TP53BP1: variants seen among roughly 807,000 people sequenced by gnomAD.
The protein encoded by TP53BP1 is tumor protein p53 binding protein 1, also known as TP53-binding protein 1.
A neutral mutation model predicts 200.8 loss-of-function variants in TP53BP1; 61 were observed. That is an observed-to-expected ratio of 0.30 (90% CI 0.25 to 0.38). The LOEUF (loss-of-function observed/expected upper bound fraction) is 0.38, where lower values mean the gene tolerates loss of function less well. TP53BP1 is among the 10% of genes least tolerant of loss of function. TP53BP1 has a pLI of 1.00. For missense variants in TP53BP1, 2,144 were observed against 2,371.9 expected (o/e 0.90, Z 2.00); for synonymous variants, 822 against 844.3 (o/e 0.97, Z 0.46).
In TP53BP1 at chr15:43,479,574, A is replaced by T. The variant is rs1213652473; in HGVS notation, c.659-48T>A. 1.9e-6 allele frequency: 3 copies of T among 1,569,820 alleles called. No homozygotes were observed. The East Asian group carries it at 6.8e-5, about 35-fold the overall frequency. ...GGAAGGAGATAATTAAGTTTTCAAAATACTAGATACAGTCCCAGATGTTTT... is the reference window on the plus strand; with the variant it reads ...GGAAGGAGATAATTAAGTTTTCAAATTACTAGATACAGTCCCAGATGTTTT... On this transcript the variant is annotated intron_variant, in intron 6 of 27. Transcript: ENST00000382044.
chr15:43,425,480 A>G (rs690512), intron 18 of TP53BP1, among the ~76,000 whole-genome samples: 70,074 of 152,078 alleles, frequency 0.46, 20,943 homozygotes, highest in African/African-American at 0.85. Context: ...AAATTAGCAG[A>G]TGTGGTAGCG....
At chr15:43,409,908 C>A (rs1198630719) in intron 24 of TP53BP1, 167 bp from the exon 25 acceptor site, 92 of 394,094 alleles carry the variant, frequency 2.3e-4, no homozygotes, top group Non-Finnish European at 2.3e-5. Flanking sequence ...GATCTTGAGG[C>A]CTTTAAAATG....
At chr15:43,464,840 G>A (rs2140074820) in intron 11 of TP53BP1, among the ~76,000 whole-genome samples, 1 of 152,078 alleles carries the variant, frequency 6.6e-6, no homozygotes, top group Non-Finnish European at 1.5e-5. Flanking sequence ...CCTGGGAGGC[G>A]AAGGTTGCAG....
At chr15:43,491,611 C>T (rs1283199977) in intron 4 of TP53BP1, 58 bp downstream of exon 4, 6 of 1,270,210 alleles carry the variant, frequency 4.7e-6, no homozygotes, top group Non-Finnish European at 6.9e-6. Flanking sequence ...GCAACAGGTA[C>T]AGATAAAAGA....
At chr15:43,478,985 AG>A (rs1463669351) in intron 7 of TP53BP1, among the ~76,000 whole-genome samples, 1 of 152,210 alleles carries the variant, frequency 6.6e-6, no homozygotes, top group Non-Finnish European at 1.5e-5. Context: ...CTGAGGCAGG[AG>A]GATTACTTGA....
At chr15:43,422,242 A>G in intron 18 of TP53BP1, 116 bp from the exon 19 acceptor site, 1 of 1,234,870 alleles carries the variant, frequency 8.1e-7, no homozygotes, top group Non-Finnish European at 1.1e-6. Flanking sequence ...GGTGAGAATC[A>G]GGAGACTTTC....
chr15:43,509,333 G>A (rs186400151), intron 1 of TP53BP1, among the ~76,000 whole-genome samples: 6 of 152,210 alleles, frequency 3.9e-5, no homozygotes, highest in Admixed American at 2.0e-4. Flanking sequence ...TCAGGGCCAT[G>A]TCCAAATTGG....
chr15:43,502,463 T>C lies in TP53BP1; in HGVS notation c.-9+7907A>G, dbSNP rs141799091. Among the ~76,000 whole-genome samples, 608 of 152,304 alleles carry C rather than the reference T, an allele frequency of 4.0e-3. 30 individuals carry two copies. In the East Asian group the frequency reaches 0.077, roughly 19 times the overall value. On this transcript the variant is annotated intron_variant, in intron 1 of 27. Transcript: ENST00000263801. ...GAAGTGATATCTCATGTTTGTTTTTTTTCTCATTTTTTTTTGAGTCTCACT... is the reference window on the plus strand; with the variant it reads ...GAAGTGATATCTCATGTTTGTTTTTCTTCTCATTTTTTTTTGAGTCTCACT...
At chr15:43,413,530 C>T (rs2045184483) in intron 23 of TP53BP1, among the ~76,000 whole-genome samples, 196 bp from the exon 24 acceptor site, 1 of 152,104 alleles carries the variant, frequency 6.6e-6, no homozygotes, top group Non-Finnish European at 1.5e-5. Context: ...ATAAAATTTA[C>T]AACAAAGAGA....
chr15:43,441,417 GTCTCATTTTAACTT>G lies in TP53BP1; in HGVS notation c.3098+95_3098+108del, dbSNP rs549918211. ...ACATTGCTAAATCCTTTATGAAAGA[GTCTCATTTTAACTT>G]TCTCATTTTAACTTTTTTCCTTTGT... On this transcript the variant is annotated intron_variant, in intron 15 of 27. Coordinates refer to ENST00000382044, the MANE Select transcript of TP53BP1 (RefSeq NM_001141980.3). 497 of 763,054 alleles carry G rather than the reference GTCTCATTTTAACTT, an allele frequency of 6.5e-4. 1 individual carries two copies. Among genetic ancestry groups the G allele is most frequent in the Middle Eastern group, 4.0e-3 (17 of 4,290 alleles). 47.3% of individuals were successfully genotyped at this position (763,054 alleles called of 1,614,324 possible). A position where few individuals can be genotyped will look rare whatever the true frequency, so the allele number is the denominator to read the frequency against.
At chr15:43,490,683 TGATTA>T (rs2079109659) in intron 4 of TP53BP1, among the ~76,000 whole-genome samples, 1 of 152,164 alleles carries the variant, frequency 6.6e-6, no homozygotes, top group African/African-American at 2.4e-5. Context: ...TGAGAAGCAC[TGATTA>T]GTTAGAATGA....
In TP53BP1 at chr15:43,475,645, A is replaced by T; in HGVS notation, c.1005T>A (p.Ser335=). Reference sequence around the variant, plus strand: ...GAGTGGTGGCAGGAGTGGAAGCCAAAGAACACCCACCTTCCTCCCTTGAAG... The same window carrying T: ...GAGTGGTGGCAGGAGTGGAAGCCAATGAACACCCACCTTCCTCCCTTGAAG... ...STPSREEGGC[S]LASTPATTLH... is the part of the protein sequence containing the mutation. The change falls in exon 9 of 28, where the codon TCT becomes TCA. Residue 335 remains serine (S), a synonymous_variant. Coordinates refer to ENST00000382044, the MANE Select transcript of TP53BP1 (RefSeq NM_001141980.3). 3 of 1,614,110 alleles carry T rather than the reference A, an allele frequency of 1.9e-6. No homozygotes were observed. The highest frequency in any genetic ancestry group is 2.5e-6 in the Non-Finnish European group (3 of 1,180,032).
intron 1 of TP53BP1, among the ~76,000 whole-genome samples, chr15:43,508,808 C>G (rs1199188805): frequency 6.6e-6 from 1 of 152,164 alleles, no homozygotes; most frequent in Non-Finnish European, 1.5e-5. Context: ...ATCCAGCACA[C>G]ATAAGCAATT....
upstream of TP53BP1, among the ~76,000 whole-genome samples, chr15:43,493,466 C>G (rs150454056): frequency 3.9e-5 from 6 of 152,248 alleles, no homozygotes; most frequent in East Asian, 1.2e-3. Flanking sequence ...TTTTCTCGTT[C>G]ACGCCCCTTA....
Position 43,406,852 on chromosome 15 carries a change from T to C in TP53BP1, c.*531A>G, listed in dbSNP as rs150205757. On this transcript the variant is annotated 3_prime_UTR_variant, in exon 28 of 28. Transcript: ENST00000382044. ...GCAGTTGGTCCTTTCGTTCTCCCTT[T>C]AGCTCTAAGAGTTGGGGAGTACCCA... 2 of 318,778 alleles carry C rather than the reference T, an allele frequency of 6.3e-6. No homozygotes were observed. Among genetic ancestry groups the C allele is most frequent in the East Asian group, 1.6e-4 (2 of 12,310 alleles). The allele number at this position is 318,778 out of a possible 1,614,324, so 19.7% of individuals were successfully genotyped here.
Position 43,428,127 on chromosome 15 carries a change from A to C in TP53BP1, c.3717T>G (p.His1239Gln). The C allele has an allele frequency of 1.2e-6, 2 of 1,613,838 alleles. No homozygotes were observed. Among genetic ancestry groups the C allele is most frequent in the Non-Finnish European group, 1.7e-6 (2 of 1,179,752 alleles). ...EFDMPQPPHG[H>Q]VLHRHMRTIR... ...TTGTTCTCATGTGACGATGTAAGAC[A>C]TGGCCATGTGGAGGCTGAGGCATAT... Residue 1239 changes from histidine to glutamine, a missense_variant, in exon 18 of 28, where the codon CAT becomes CAG. Physicochemically the swap from His to Gln is conservative, Grantham distance 24. Transcript: ENST00000382044.
intron 5 of TP53BP1, among the ~76,000 whole-genome samples, chr15:43,480,398 A>G (rs138026597): frequency 2.2e-3 from 329 of 152,310 alleles, no homozygotes; most frequent in Non-Finnish European, 3.3e-3. Context: ...CAGTGAGCCA[A>G]GATTGCGCCA....
intron 4 of TP53BP1, among the ~76,000 whole-genome samples, chr15:43,484,756 GT>G (rs397951213): frequency 2.7e-4 from 39 of 144,910 alleles, no homozygotes; most frequent in Admixed American, 2.8e-4. Context: ...CTTGTTTTTT[GT>G]TTTTTTTTTT....
chr15:43,490,567 C>T (rs1187399462), intron 4 of TP53BP1, among the ~76,000 whole-genome samples: 1 of 152,164 alleles, frequency 6.6e-6, no homozygotes, highest in Non-Finnish European at 1.5e-5. Context: ...CTTTAACCAT[C>T]TCAAGCTAAC....
Sources: allele counts gnomAD v4.1 joint callset (sites outside exome capture counted in the v4.1 genomes callset), GRCh38; gene constraint gnomAD v4.1.1; transcripts MANE v1.5; gene names NCBI Gene and HGNC (gene_info 2026-07-23, HGNC 2026-07-21).